PPP1R9A: variants seen among roughly 807,000 people sequenced by gnomAD.
The protein encoded by PPP1R9A is protein phosphatase 1 regulatory subunit 9A.
PPP1R9A carries 59 observed loss-of-function variants against 141.9 expected under a neutral mutation model. That is an observed-to-expected ratio of 0.42 (90% CI 0.34 to 0.52). The LOEUF is 0.52. PPP1R9A is among the 20% of genes least tolerant of loss of function. The pLI is 0.10. For synonymous variants in PPP1R9A, 500 were observed against 569.7 expected (o/e 0.88, Z 1.74); for missense variants, 1,444 against 1,611.9 (o/e 0.90, Z 1.78).
chr7:95,048,523 TTTGTTG>T lies in PPP1R9A; in HGVS notation c.1396-62706_1396-62701del, dbSNP rs34158265. On this transcript the variant is annotated intron_variant, in intron 2 of 19. Transcript: ENST00000433360. ...TATTTTTTTTTAACCATGACAGCGT[TTTGTTG>T]TTGTTGTTGTTGTTGTTGTTGTTGT... 6.9e-3 allele frequency among the ~76,000 whole-genome samples: 1,044 copies of T among 150,590 alleles called. 11 individuals are homozygous for T. Among genetic ancestry groups the T allele is most frequent in the African/African-American group, 0.023 (958 of 41,000 alleles).
At chr7:95,119,599 G>A (rs1482854159) in intron 3 of PPP1R9A, among the ~76,000 whole-genome samples, 1 of 151,940 alleles carries the variant, frequency 6.6e-6, no homozygotes, top group Non-Finnish European at 1.5e-5. Flanking sequence ...GACTACAGGT[G>A]TGCCCCACCA....
chr7:94,920,257 T>G (rs184345618), intron 2 of PPP1R9A, among the ~76,000 whole-genome samples: 80 of 152,226 alleles, frequency 5.3e-4, no homozygotes, highest in African/African-American at 1.8e-3. Flanking sequence ...AAACTAAGAA[T>G]AAAGAAAGAA....
intron 2 of PPP1R9A, among the ~76,000 whole-genome samples, chr7:94,992,424 A>T (rs867210001): frequency 6.6e-5 from 10 of 152,322 alleles, no homozygotes; most frequent in Middle Eastern, 6.8e-3. Flanking sequence ...GGGTATTACA[A>T]ATAGAGCTGC....
intron 4 of PPP1R9A, among the ~76,000 whole-genome samples, chr7:95,151,510 A>G (rs1352168493): frequency 1.3e-5 from 2 of 152,178 alleles, no homozygotes; most frequent in African/African-American, 4.8e-5. Context: ...TTTTTAGGGC[A>G]ATGAAACCAT....
chr7:95,062,418 ATT>A (rs576031319), intron 2 of PPP1R9A, among the ~76,000 whole-genome samples: 83 of 138,456 alleles, frequency 6.0e-4, no homozygotes, highest in Admixed American at 1.3e-3. Flanking sequence ...AGATTAGGGA[ATT>A]TTTTTTTTTT....
intron 2 of PPP1R9A, among the ~76,000 whole-genome samples, chr7:95,006,871 T>G (rs114512375): frequency 0.013 from 2,039 of 152,048 alleles, 50 homozygotes; most frequent in African/African-American, 0.047. Flanking sequence ...TAATTTTTTT[T>G]TTTTTTGAGA....
intron 2 of PPP1R9A, among the ~76,000 whole-genome samples, chr7:94,948,037 C>T (rs1412083866): frequency 6.6e-6 from 1 of 152,090 alleles, no homozygotes; most frequent in African/African-American, 2.4e-5. Context: ...GCTCTGTATA[C>T]AGTCCATCTA....
intron 5 of PPP1R9A, among the ~76,000 whole-genome samples, chr7:95,194,308 T>C (rs1563393351): frequency 6.6e-6 from 1 of 152,066 alleles, no homozygotes; most frequent in Non-Finnish European, 1.5e-5. Context: ...TATGTATCTT[T>C]AACCATAAAA....
At chr7:95,201,448 A>G (rs912985160) in intron 6 of PPP1R9A, among the ~76,000 whole-genome samples, 4 of 152,170 alleles carry the variant, frequency 2.6e-5, no homozygotes, top group Admixed American at 2.6e-4. Flanking sequence ...TGCATAGGAG[A>G]GATGAAAGCT....
intron 5 of PPP1R9A, among the ~76,000 whole-genome samples, chr7:95,193,966 T>A (rs1835879217): frequency 1.3e-5 from 2 of 152,098 alleles, no homozygotes; most frequent in Admixed American, 1.3e-4. Flanking sequence ...ATTTATGGCT[T>A]AAATTAATCT....
chr7:94,947,383 C>T (rs949384208), intron 2 of PPP1R9A, among the ~76,000 whole-genome samples: 1 of 152,100 alleles, frequency 6.6e-6, no homozygotes, highest in Non-Finnish European at 1.5e-5. Flanking sequence ...ATCTGTGGAC[C>T]CTTGGATTAG....
chr7:95,071,677 A>T (rs1265684918), intron 2 of PPP1R9A, among the ~76,000 whole-genome samples: 1 of 151,992 alleles, frequency 6.6e-6, no homozygotes, highest in Non-Finnish European at 1.5e-5. Context: ...ATGTTTTATT[A>T]TAAAAGAAAG....
At chr7:95,199,563 T>G (rs1469799055) in intron 6 of PPP1R9A, among the ~76,000 whole-genome samples, 3 of 152,190 alleles carry the variant, frequency 2.0e-5, no homozygotes, top group Admixed American at 6.5e-5. Flanking sequence ...TGAGGATATA[T>G]TCTCCACTTA....
chr7:95,244,618 C>T (rs1255053961), intron 8 of PPP1R9A, among the ~76,000 whole-genome samples: 14 of 152,172 alleles, frequency 9.2e-5, no homozygotes, highest in Admixed American at 9.2e-4. Flanking sequence ...AAATCTGTCA[C>T]TTGCCCATAG....
intron 2 of PPP1R9A, among the ~76,000 whole-genome samples, chr7:95,014,551 C>T (rs1246315298): frequency 2.0e-5 from 3 of 152,016 alleles, no homozygotes; most frequent in East Asian, 3.9e-4. Flanking sequence ...GTGGTTTCTC[C>T]ACTTTGCCAG....
At chr7:95,245,440 T>C (rs1797995405) in intron 8 of PPP1R9A, among the ~76,000 whole-genome samples, 1 of 152,180 alleles carries the variant, frequency 6.6e-6, no homozygotes, top group African/African-American at 2.4e-5. Context: ...CCAGGTTGGC[T>C]GTCTTCTCCA....
At chr7:94,956,638 T>G (rs1584386682) in intron 2 of PPP1R9A, among the ~76,000 whole-genome samples, 1 of 151,780 alleles carries the variant, frequency 6.6e-6, no homozygotes, top group South Asian at 2.1e-4. Context: ...GGCTTAGGAG[T>G]TGAAGGCTGC....
chr7:95,284,733 G>A (rs1160963714), intron 17 of PPP1R9A, among the ~76,000 whole-genome samples: 2 of 152,240 alleles, frequency 1.3e-5, no homozygotes, highest in East Asian at 3.9e-4. Flanking sequence ...CTTCTGTGTT[G>A]AACAACTGCT....
At chr7:95,283,914 GT>G in intron 16 of PPP1R9A, 103 bp from the exon 17 acceptor site, 1 of 1,006,820 alleles carries the variant, frequency 9.9e-7, no homozygotes, top group Non-Finnish European at 1.4e-6. Flanking sequence ...GAATAGAACA[GT>G]TTCTCAAATT....
Sources: allele counts gnomAD v4.1 joint callset (sites outside exome capture counted in the v4.1 genomes callset), GRCh38; gene constraint gnomAD v4.1.1; transcripts MANE v1.5; gene names NCBI Gene and HGNC (gene_info 2026-07-23, HGNC 2026-07-21).